POM121: variants seen among roughly 807,000 people sequenced by gnomAD.
The protein encoded by POM121 is POM121 transmembrane nucleoporin, also known as nuclear envelope pore membrane protein POM 121.
POM121 carries 32 observed loss-of-function variants against 81.3 expected under a neutral mutation model. The ratio of observed to expected loss-of-function variants is 0.39; its 90% confidence interval spans 0.30 to 0.53. The LOEUF is 0.53. Ranked by LOEUF, POM121 falls within the 20% of genes least tolerant of loss-of-function variation. The pLI is 0.66. For missense variants in POM121, 1,138 were observed against 1,614.6 expected, an observed-to-expected ratio of 0.70 and a Z score of 5.06; for synonymous variants, 514 against 694.2, an observed-to-expected ratio of 0.74 and a Z score of 4.08.
chr7:72,941,123 C>G, intron 10 of POM121, 130 bp downstream of exon 10: 1 of 609,938 alleles, frequency 1.6e-6, no homozygotes, highest in Admixed American at 3.0e-5. Context: ...CTCAGCACAC[C>G]GGAGCGGGCC....
rs1797176322 is a variant in POM121, at chr7:72,942,396, C to T, written c.2403C>T (p.Pro801=). ...AGACAACTACTCCCGCCACTGCTCC[C>T]ACCACAACTGCCCCGCTCTTCACTG... ...FKQTTTPATA[P]TTTAPLFTGL... The change falls in exon 11 of 13, where the codon CCC becomes CCT. Residue 801 remains proline, a synonymous_variant. Transcript: ENST00000434423. 6.4e-7 allele frequency: 1 copy of T among 1,563,624 alleles called. No individual in the cohort carries two copies. The highest frequency in any genetic ancestry group is 2.3e-5 in the East Asian group (1 of 43,402).
intron 11 of POM121, among the ~76,000 whole-genome samples, chr7:72,945,368 G>C (rs1302160646): frequency 6.6e-6 from 1 of 151,632 alleles, no homozygotes; most frequent in African/African-American, 2.4e-5. Flanking sequence ...TCTCTGCCCT[G>C]GCGTGGCCAT....
chr7:72,918,491 A>G (rs1794501022), intron 4 of POM121, among the ~76,000 whole-genome samples: 1 of 152,100 alleles, frequency 6.6e-6, no homozygotes, highest in South Asian at 2.1e-4. Context: ...TTCCTAGGTT[A>G]TGATTGTAGA....
rs1554497048 is a variant in POM121 at position 72,925,490 on chromosome 7, G to C, written c.369G>C (p.Arg123=). The change falls in exon 1 of 13, where the codon CGG becomes CGC. Residue 123 remains arginine (R), a synonymous_variant. Coordinates refer to ENST00000434423, the MANE Select transcript of POM121 (RefSeq NM_001387691.1). ...CCAACGGAAACCTCCTAGAGCCGCG[G>C]ACCCTGCTCGAAGGACCTGACCCTG... ...STANGNLLEP[R]TLLEGPDPAE... 1 of 1,533,482 alleles carries C rather than the reference G, an allele frequency of 6.5e-7. No homozygotes were observed. Among genetic ancestry groups the C allele is most frequent in the African/African-American group, 1.4e-5 (1 of 73,052 alleles). The allele number at this position is 1,533,482 out of a possible 1,614,324, so 95.0% of individuals were successfully genotyped here.
chr7:72,886,063 C>T (rs1311254728), intron 1 of POM121, among the ~76,000 whole-genome samples: 2 of 152,114 alleles, frequency 1.3e-5, no homozygotes, highest in African/African-American at 4.8e-5. Context: ...TTCCATTTCT[C>T]TCCTCTTGGT....
At chr7:72,926,996 C>T (rs199869678) in intron 3 of POM121, 33 bp downstream of exon 3, 16 of 1,613,896 alleles carry the variant, frequency 9.9e-6, no homozygotes, top group East Asian at 6.7e-5. Context: ...AAGCCGGTTT[C>T]GCGCTTGGAC....
chr7:72,934,693 TG>T (rs1405950468), intron 5 of POM121, among the ~76,000 whole-genome samples: 1 of 152,208 alleles, frequency 6.6e-6, no homozygotes, highest in African/African-American at 2.4e-5. Context: ...TAGTTTTTTT[TG>T]TGTTTGGTGG....
At chr7:72,911,044 T>A (rs1450670154) in intron 3 of POM121, among the ~76,000 whole-genome samples, 3 of 152,234 alleles carry the variant, frequency 2.0e-5, no homozygotes, top group African/African-American at 7.2e-5. Context: ...TGGAGTACAA[T>A]AGCGCAATCT....
At chr7:72,905,777 C>G (rs1285815266) in intron 3 of POM121, among the ~76,000 whole-genome samples, 1 of 152,196 alleles carries the variant, frequency 6.6e-6, no homozygotes, top group Non-Finnish European at 1.5e-5. Flanking sequence ...GTGTACCCTG[C>G]TATTGCTGTG....
rs1364053290 is a variant in POM121 at position 72,925,120 on chromosome 7, C to T, written c.-2C>T. Reference sequence around the variant, plus strand: ...AAGTCTCCTCCGCGGCGCGGAGCCGCGATGTCTCCGGCGGCTGCGGCGGCT... The same window carrying T: ...AAGTCTCCTCCGCGGCGCGGAGCCGTGATGTCTCCGGCGGCTGCGGCGGCT... On this transcript the variant is annotated 5_prime_UTR_variant, in exon 1 of 13. Transcript: ENST00000434423. The T allele has an allele frequency of 2.1e-6, 3 of 1,417,526 alleles. No homozygotes were observed. The African/African-American group carries it at 4.6e-5, about 22-fold the overall frequency. 87.8% of individuals were successfully genotyped at this position (1,417,526 alleles called of 1,614,324 possible).
At chr7:72,910,172 C>G (rs1276528409) in intron 3 of POM121, among the ~76,000 whole-genome samples, 8 of 152,326 alleles carry the variant, frequency 5.3e-5, no homozygotes, top group East Asian at 1.9e-4. Flanking sequence ...GTAAATCTGA[C>G]TGATTTTCAA....
At chr7:72,948,510 C>T, downstream of POM121, 2 of 1,613,298 alleles carry the variant, frequency 1.2e-6, no homozygotes, top group Non-Finnish European at 1.7e-6. Context: ...TGTGCAAGCA[C>T]CGGCTGCAGC....
chr7:72,942,948 G>A lies in POM121; in HGVS notation c.2955G>A (p.Pro985=), dbSNP rs151064930. The change falls in exon 11 of 13, where the codon CCG becomes CCA. Residue 985 remains proline, a synonymous_variant. Coordinates refer to ENST00000434423, the MANE Select transcript of POM121 (RefSeq NM_001387691.1). ...AEGQPPGAAK[P]ALAPSFGSSF... The stretch of plus-strand genomic sequence containing the variant: ...GGCAGCCACCGGGGGCCGCCAAGCC[G>A]GCCCTTGCCCCCAGCTTTGGCAGCT... 66,948 of 1,568,838 alleles carry A rather than the reference G, an allele frequency of 0.043. 1,594 individuals are homozygous for A. The highest frequency in any genetic ancestry group is 0.15 in the East Asian group (6,423 of 42,794).
intron 3 of POM121, among the ~76,000 whole-genome samples, chr7:72,895,120 AC>A (rs1304162813): frequency 6.6e-6 from 1 of 152,130 alleles, no homozygotes; most frequent in African/African-American, 2.4e-5. Flanking sequence ...GAGCCACAGC[AC>A]CCGGCCTGTC....
chr7:72,939,296 G>T (rs781783410), intron 6 of POM121, 40 bp from the exon 7 acceptor site: 2 of 1,609,106 alleles, frequency 1.2e-6, no homozygotes, highest in Non-Finnish European at 8.5e-7. Flanking sequence ...CTTCAGCCAA[G>T]AAGCCTTTCT....
chr7:72,938,316 G>T lies in POM121; in HGVS notation c.1276-274G>T, dbSNP rs117135057. 1.3e-3 allele frequency among the ~76,000 whole-genome samples: 203 copies of T among 151,322 alleles called. 3 individuals are homozygous for T. In the East Asian group the frequency reaches 0.019, roughly 14 times the overall value. ...ATCTCAGCTCACTGCAGCATCCTGA[G>T]TAGTTGGGACCACAGATGCAAACCA... On this transcript the variant is annotated intron_variant, in intron 5 of 12. Transcript: ENST00000434423.
At chr7:72,948,841 A>G, downstream of POM121, 4 of 1,558,062 alleles carry the variant, frequency 2.6e-6, no homozygotes, top group Non-Finnish European at 3.5e-6. Context: ...GCTGGGTAAG[A>G]GAGCAGTTCA....
intron 3 of POM121, among the ~76,000 whole-genome samples, chr7:72,906,257 G>A (rs1451558120): frequency 6.6e-6 from 1 of 152,182 alleles, no homozygotes; most frequent in African/African-American, 2.4e-5. Flanking sequence ...GTTGCTGAGA[G>A]GGCCAAATAA....
Position 72,947,887 on chromosome 7 carries a change from C to T in POM121, c.*1653C>T. The T allele has an allele frequency of 7.0e-6, 7 of 995,580 alleles. No homozygotes were observed. Among genetic ancestry groups the T allele is most frequent in the Non-Finnish European group, 8.4e-6 (7 of 835,208 alleles). 61.7% of individuals were successfully genotyped at this position (995,580 alleles called of 1,614,324 possible). ...TGAGGGTGAGTGAGTGGTGGCGGGG[C>T]TGCTCCTTCCCACCCCTCAGAACAG... On this transcript the variant is annotated 3_prime_UTR_variant, in exon 13 of 13. Transcript: ENST00000434423.
Sources: allele counts gnomAD v4.1 joint callset (sites outside exome capture counted in the v4.1 genomes callset), GRCh38; gene constraint gnomAD v4.1.1; transcripts MANE v1.5; gene names NCBI Gene and HGNC (gene_info 2026-07-23, HGNC 2026-07-21).